The following DCC variants were observed in gnomAD, a reference collection of about 807,000 sequenced individuals.
The protein encoded by DCC is netrin receptor DCC.
DCC carries 58 observed loss-of-function variants against 172.5 expected under a neutral mutation model. That is an observed-to-expected ratio of 0.34 (90% CI 0.27 to 0.42). The LOEUF (loss-of-function observed/expected upper bound fraction) is 0.42, where lower values mean the gene tolerates loss of function less well. Ranked by LOEUF, DCC falls within the 10% of genes least tolerant of loss-of-function variation. DCC has a pLI of 1.00. For synonymous variants in DCC, 709 were observed against 644.5 expected (o/e 1.10, Z -1.52); for missense variants, 1,740 against 1,791.0 (o/e 0.97, Z 0.51).
chr18:52,437,123 G>A (rs1186988298), intron 1 of DCC, among the ~76,000 whole-genome samples: 3 of 152,066 alleles, frequency 2.0e-5, no homozygotes, highest in African/African-American at 7.3e-5. Flanking sequence ...CAATGAAGTA[G>A]GCATTACTTT....
chr18:52,824,806 A>G (rs1020833712), intron 2 of DCC, among the ~76,000 whole-genome samples: 2 of 152,192 alleles, frequency 1.3e-5, no homozygotes, highest in African/African-American at 4.8e-5. Context: ...CCCCGTCTCT[A>G]CTAAAATACA....
intron 1 of DCC, among the ~76,000 whole-genome samples, chr18:52,595,238 T>C (rs184495569): frequency 6.6e-6 from 1 of 152,260 alleles, no homozygotes. Context: ...AGATCAATCA[T>C]ATCTTTCCAG....
intron 9 of DCC, among the ~76,000 whole-genome samples, chr18:53,197,269 G>T (rs986696434): frequency 6.6e-6 from 1 of 151,894 alleles, no homozygotes; most frequent in Admixed American, 6.6e-5. Context: ...TTAAATATAG[G>T]CTCAAGAATC....
chr18:53,217,578 T>C (rs1042876996), intron 12 of DCC, among the ~76,000 whole-genome samples: 1 of 152,150 alleles, frequency 6.6e-6, no homozygotes, highest in African/African-American at 2.4e-5. Flanking sequence ...TATAAATTTT[T>C]ATATCAGACT....
intron 1 of DCC, among the ~76,000 whole-genome samples, chr18:52,620,943 C>A (rs2034468121): frequency 6.6e-6 from 1 of 152,174 alleles, no homozygotes; most frequent in Non-Finnish European, 1.5e-5. Flanking sequence ...ACAAGGGAGA[C>A]TTTCCCCAGA....
intron 2 of DCC, among the ~76,000 whole-genome samples, chr18:52,794,925 T>A (rs28845188): frequency 0.043 from 6,553 of 152,126 alleles, 221 homozygotes; most frequent in South Asian, 0.16. Flanking sequence ...GTGGTGTATC[T>A]CATGTATTGA....
intron 27 of DCC, among the ~76,000 whole-genome samples, chr18:53,519,150 G>T (rs908325727): frequency 3.3e-5 from 5 of 152,026 alleles, no homozygotes; most frequent in Admixed American, 1.3e-4. Flanking sequence ...TTATCCTTGT[G>T]TAATTTTCAT....
intron 1 of DCC, among the ~76,000 whole-genome samples, chr18:52,685,859 A>C (rs1412009398): frequency 2.0e-5 from 3 of 152,134 alleles, no homozygotes; most frequent in African/African-American, 7.2e-5. Context: ...GGAAGAGATA[A>C]GATATGCACT....
At chr18:53,507,171 G>A (rs1342361975) in intron 27 of DCC, among the ~76,000 whole-genome samples, 1 of 151,860 alleles carries the variant, frequency 6.6e-6, no homozygotes, top group East Asian at 1.9e-4. Flanking sequence ...AGTATTCTAA[G>A]TAGTTGACAG....
intron 9 of DCC, among the ~76,000 whole-genome samples, chr18:53,204,320 T>C (rs2055591384): frequency 6.6e-6 from 1 of 152,110 alleles, no homozygotes; most frequent in Non-Finnish European, 1.5e-5. Context: ...GGCAGGAGGA[T>C]CGCTTGCCAG....
intron 10 of DCC, among the ~76,000 whole-genome samples, chr18:53,206,183 C>T (rs2055627185): frequency 9.1e-4 from 1 of 1,098 alleles, no homozygotes; most frequent in Non-Finnish European, 2.0e-3. Context: ...ATATATAATA[C>T]ATATACGTAT....
intron 7 of DCC, among the ~76,000 whole-genome samples, chr18:53,122,784 A>G (rs938720559): frequency 6.6e-5 from 10 of 152,022 alleles, no homozygotes; most frequent in African/African-American, 2.4e-4. Flanking sequence ...AATCACTTAA[A>G]ACTAGTTAGT....
chr18:52,777,280 A>C (rs1336788719), intron 2 of DCC, among the ~76,000 whole-genome samples: 4 of 147,476 alleles, frequency 2.7e-5, no homozygotes, highest in Admixed American at 6.9e-5. Flanking sequence ...TCTCAAATCA[A>C]AGTGTCAGGA....
intron 1 of DCC, among the ~76,000 whole-genome samples, chr18:52,672,601 G>A (rs190784228): frequency 1.5e-3 from 211 of 139,672 alleles, no homozygotes; most frequent in African/African-American, 5.4e-3. Flanking sequence ...TTCCTAATTC[G>A]TCCTCCCTTC....
At chr18:53,384,846 A>T (rs1908028585) in intron 15 of DCC, among the ~76,000 whole-genome samples, 1 of 56,346 alleles carries the variant, frequency 1.8e-5, no homozygotes, top group Admixed American at 1.5e-4. Flanking sequence ...TTACCTCAAT[A>T]ATTTTTTTTT....
At chr18:52,886,560 A>G (rs915244922) in intron 2 of DCC, among the ~76,000 whole-genome samples, 1 of 152,038 alleles carries the variant, frequency 6.6e-6, no homozygotes, top group Non-Finnish European at 1.5e-5. Context: ...TTCTAATGTC[A>G]CTTGCCTAAG....
chr18:52,763,631 TA>T (rs2037197496), intron 2 of DCC, among the ~76,000 whole-genome samples: 1 of 152,382 alleles, frequency 6.6e-6, no homozygotes, highest in South Asian at 2.1e-4. Flanking sequence ...GGAAATAGTT[TA>T]TATACCATAA....
At chr18:52,355,590 C>T (rs193106325) in intron 1 of DCC, among the ~76,000 whole-genome samples, 53 of 152,222 alleles carry the variant, frequency 3.5e-4, no homozygotes, top group Admixed American at 1.6e-3. Context: ...TTTGTTCATT[C>T]GACAGATGTT....
At chr18:52,565,527 G>T (rs908248316) in intron 1 of DCC, among the ~76,000 whole-genome samples, 1 of 152,012 alleles carries the variant, frequency 6.6e-6, no homozygotes, top group African/African-American at 2.4e-5. Flanking sequence ...TTTAATGATC[G>T]CCATTCTAAC....
Sources: gnomAD v4.1 joint callset for allele counts (sites outside exome capture counted in the v4.1 genomes callset) on GRCh38, gnomAD v4.1.1 for gene constraint, MANE v1.5 for transcripts, NCBI Gene and HGNC (gene_info 2026-07-23, HGNC 2026-07-21) for gene names.